The following KHDRBS3 variants were observed in gnomAD, a reference collection of about 807,000 sequenced individuals.
KHDRBS3 encodes the protein KH domain-containing, RNA-binding, signal transduction-associated protein 3.
In KHDRBS3, 23 loss-of-function variants were observed where a neutral mutation model predicts 45.6. The observed-to-expected ratio is 0.50, with a 90% confidence interval of 0.36 to 0.72. The LOEUF (loss-of-function observed/expected upper bound fraction) is 0.72. Among genes scored for constraint, KHDRBS3 ranks in the 30% least tolerant of loss-of-function variants. KHDRBS3 has a pLI of 0.00. For synonymous variants in KHDRBS3, 162 were observed against 156.5 expected (o/e 1.04, Z -0.26); for missense variants, 352 against 424.8 (o/e 0.83, Z 1.51).
chr8:135,559,077 T>C lies in KHDRBS3; in HGVS notation c.611+1490T>C, dbSNP rs115540418. Among the ~76,000 whole-genome samples, 461 of 152,302 alleles carry C rather than the reference T, an allele frequency of 3.0e-3. 1 individual carries two copies. The highest frequency in any genetic ancestry group is 0.01 in the African/African-American group (429 of 41,582). ...TTATATTTAGGGCACACCAGGGTAA[T>C]CCAGAGTAATCTTTCCATCTCAAGA... is the stretch of plus-strand genomic sequence containing the variant. On this transcript the variant is annotated intron_variant, in intron 5 of 8. Coordinates refer to ENST00000355849, the MANE Select transcript of KHDRBS3 (RefSeq NM_006558.3).
intron 1 of KHDRBS3, among the ~76,000 whole-genome samples, chr8:135,477,335 A>G (rs1401233778): frequency 6.6e-6 from 1 of 152,210 alleles, no homozygotes; most frequent in Non-Finnish European, 1.5e-5. Flanking sequence ...GCTGTGCTGT[A>G]AAAAGTGTAT....
intron 1 of KHDRBS3, among the ~76,000 whole-genome samples, chr8:135,510,035 A>C (rs1219700404): frequency 7.1e-6 from 1 of 140,462 alleles, no homozygotes; most frequent in African/African-American, 2.7e-5. Context: ...GCTGGAGCGC[A>C]GTAGTGCAGG....
chr8:135,609,483 TG>T (rs1171498255), intron 7 of KHDRBS3, among the ~76,000 whole-genome samples: 1 of 152,002 alleles, frequency 6.6e-6, no homozygotes, highest in African/African-American at 2.4e-5. Context: ...ATAGTAGAGA[TG>T]GGGTTTCGCC....
At chr8:135,649,776 C>T (rs1488788283), downstream of KHDRBS3, among the ~76,000 whole-genome samples, 2 of 152,116 alleles carry the variant, frequency 1.3e-5, no homozygotes, top group Non-Finnish European at 2.9e-5. Context: ...GGTCAATCCT[C>T]AGGTGCTATT....
At chr8:135,479,767 C>T (rs140184896) in intron 1 of KHDRBS3, among the ~76,000 whole-genome samples, 53 of 152,252 alleles carry the variant, frequency 3.5e-4, no homozygotes, top group Non-Finnish European at 3.8e-4. Flanking sequence ...ATGAATATTG[C>T]GGGGACACAA....
intron 1 of KHDRBS3, among the ~76,000 whole-genome samples, chr8:135,482,127 G>A (rs1822609129): frequency 6.6e-6 from 1 of 152,200 alleles, no homozygotes; most frequent in African/African-American, 2.4e-5. Context: ...ATTTGGAAAA[G>A]CTGTTGGAGA....
intron 1 of KHDRBS3, among the ~76,000 whole-genome samples, chr8:135,510,239 A>G (rs1824209622): frequency 6.6e-6 from 1 of 152,168 alleles, no homozygotes; most frequent in African/African-American, 2.4e-5. Context: ...CTGTAATTAC[A>G]GGTGTTAGCC....
chr8:135,485,868 A>ATT (rs1491154468), intron 1 of KHDRBS3, among the ~76,000 whole-genome samples: 11 of 141,214 alleles, frequency 7.8e-5, no homozygotes, highest in African/African-American at 1.3e-4. Context: ...ATATATATAT[A>ATT]TTTTATTTTT....
At chr8:135,470,022 T>G (rs7818207) in intron 1 of KHDRBS3, among the ~76,000 whole-genome samples, 5,758 of 152,326 alleles carry the variant, frequency 0.038, 359 homozygotes, top group African/African-American at 0.13. Context: ...TTATTTAATT[T>G]CAAAAATTCA....
chr8:135,601,843 T>A lies in KHDRBS3; in HGVS notation c.808-5112T>A, dbSNP rs1432690353. Reference sequence around the variant, plus strand: ...AGCAAATAATACATTCACTATTTTTTAAATTTCTATCTTAGCCTCAGAAAC... The same window carrying A: ...AGCAAATAATACATTCACTATTTTTAAAATTTCTATCTTAGCCTCAGAAAC... On this transcript the variant is annotated intron_variant, in intron 6 of 8. Transcript: ENST00000355849. 5.9e-5 allele frequency among the ~76,000 whole-genome samples: 9 copies of A among 152,186 alleles called. No homozygotes were observed. The South Asian group carries it at 1.2e-3, about 21-fold the overall frequency.
At chr8:135,548,706 C>T in intron 3 of KHDRBS3, 48 bp from the exon 4 acceptor site, 1 of 1,346,112 alleles carries the variant, frequency 7.4e-7, no homozygotes, top group Non-Finnish European at 9.9e-7. Flanking sequence ...TCTTTCATTT[C>T]TTATAATGAC....
intron 7 of KHDRBS3, among the ~76,000 whole-genome samples, chr8:135,611,328 A>G (rs1391656124): frequency 6.6e-6 from 1 of 151,982 alleles, no homozygotes; most frequent in Non-Finnish European, 1.5e-5. Context: ...CAGATCGTAC[A>G]GTTTACACAA....
In KHDRBS3 at chr8:135,458,947, C is replaced by G. The variant is rs1586536888; in HGVS notation, c.88+993C>G. ...CTTCCTTCCTGGGAGCAGTCTCCTA[C>G]TTTTCCTGGAATATGTGTTTCAGAT... is the stretch of plus-strand genomic sequence containing the variant. On this transcript the variant is annotated intron_variant, in intron 1 of 8. Coordinates refer to ENST00000355849, the MANE Select transcript of KHDRBS3 (RefSeq NM_006558.3). 3 of 456,170 alleles carry G rather than the reference C, an allele frequency of 6.6e-6. No homozygotes were observed. In the East Asian group the frequency reaches 2.1e-4, roughly 32 times the overall value. 28.3% of individuals were successfully genotyped at this position (456,170 alleles called of 1,614,324 possible). A position where few individuals can be genotyped will look rare whatever the true frequency, so the allele number is the denominator to read the frequency against.
At chr8:135,522,548 C>G (rs1410087320) in intron 2 of KHDRBS3, among the ~76,000 whole-genome samples, 1 of 152,206 alleles carries the variant, frequency 6.6e-6, no homozygotes, top group South Asian at 2.1e-4. Flanking sequence ...GCTGTAGCTG[C>G]CTCATACCCT....
At chr8:135,629,705 A>T (rs1458034011) in intron 7 of KHDRBS3, among the ~76,000 whole-genome samples, 1 of 152,220 alleles carries the variant, frequency 6.6e-6, no homozygotes, top group Non-Finnish European at 1.5e-5. Flanking sequence ...AGAATGTGAG[A>T]TGGAGAGGCA....
intron 7 of KHDRBS3, among the ~76,000 whole-genome samples, chr8:135,629,656 A>G (rs550304168): frequency 1.3e-5 from 2 of 152,350 alleles, no homozygotes; most frequent in South Asian, 4.1e-4. Flanking sequence ...GCTTTCACAT[A>G]CAATCGTAGT....
At chr8:135,522,101 C>T (rs1336252179) in intron 2 of KHDRBS3, among the ~76,000 whole-genome samples, 1 of 152,092 alleles carries the variant, frequency 6.6e-6, no homozygotes, top group Non-Finnish European at 1.5e-5. Context: ...GCTCTCCCTC[C>T]CCCTGCCCCC....
intron 5 of KHDRBS3, among the ~76,000 whole-genome samples, chr8:135,577,229 A>C (rs892986607): frequency 5.3e-5 from 8 of 152,064 alleles, no homozygotes; most frequent in Admixed American, 5.2e-4. Flanking sequence ...CACATTCAGC[A>C]TTGCATCCTG....
intron 1 of KHDRBS3, among the ~76,000 whole-genome samples, chr8:135,471,117 A>T (rs898744619): frequency 6.6e-6 from 1 of 152,024 alleles, no homozygotes; most frequent in Non-Finnish European, 1.5e-5. Context: ...CTCGTTGTAT[A>T]CTCCTTGAAA....
Sources: gnomAD v4.1 joint callset for allele counts (sites outside exome capture counted in the v4.1 genomes callset) on GRCh38, gnomAD v4.1.1 for gene constraint, MANE v1.5 for transcripts, NCBI Gene and HGNC (gene_info 2026-07-23, HGNC 2026-07-21) for gene names.